Variants in DNAH6 observed in about 807,000 individuals in gnomAD.
DNAH6 encodes the protein dynein axonemal heavy chain 6.
Under a neutral mutation model 491.4 loss-of-function variants are expected in DNAH6, and 340 were observed. That is an observed-to-expected ratio of 0.69 (90% CI 0.63 to 0.76). DNAH6 has a LOEUF of 0.76. DNAH6 is among the 30% of genes least tolerant of loss of function. DNAH6 has a pLI of 0.00. For synonymous variants in DNAH6, 1,603 were observed against 1,686.1 expected (o/e 0.95, Z 1.21); for missense variants, 4,443 against 4,972.2 (o/e 0.89, Z 3.20).
At position 84,624,946 on chromosome 2, in the gene DNAH6, TG is replaced by T; in HGVS notation, c.4403del (p.Gly1468ValfsTer39). 1 of 1,551,588 alleles carries T rather than the reference TG, an allele frequency of 6.4e-7. No homozygotes were observed. The highest frequency in any genetic ancestry group is 8.7e-7 in the Non-Finnish European group (1 of 1,146,894). ...CLMGALQLDLGGAPAGPAGTG... is the reference protein window; with the variant it reads ...CLMGALQLDLXGAPAGPAGTG... Reference sequence around the variant, plus strand: ...TCATGGGAGCTTTGCAGCTTGACCTTGGGGGTGCACCAGCTGGTCCTGCTGG... The same window carrying T: ...TCATGGGAGCTTTGCAGCTTGACCTTGGGGTGCACCAGCTGGTCCTGCTGG... On this transcript the variant is annotated frameshift_variant, in exon 29 of 77. Transcript: ENST00000389394. LOFTEE classifies it high-confidence loss of function.
At chr2:84,582,474 C>T (rs1249102997) in intron 14 of DNAH6, among the ~76,000 whole-genome samples, 3 of 152,108 alleles carry the variant, frequency 2.0e-5, no homozygotes, top group African/African-American at 7.2e-5. Flanking sequence ...TCCTTTGAGA[C>T]GGAGTCTCGC....
chr2:84,469,170 G>A, the DNAH6 span, among the ~76,000 whole-genome samples: 25 of 151,712 alleles, frequency 1.6e-4, no homozygotes, highest in Admixed American at 1.5e-3. This position sits in a 1 kb window ranked among gnomAD's most constrained non-coding sequence, Gnocchi z 4.0. Flanking sequence ...TTTCCCATTC[G>A]TTCAACCGTT....
chr2:84,570,853 G>C (rs180818382), intron 11 of DNAH6, among the ~76,000 whole-genome samples: 1 of 152,122 alleles, frequency 6.6e-6, no homozygotes, highest in African/African-American at 2.4e-5. Context: ...TCTTGGGTCC[G>C]CACTACCTTT....
intron 46 of DNAH6, 88 bp from the exon 47 acceptor site, chr2:84,697,487 A>T: frequency 7.7e-7 from 1 of 1,306,594 alleles, no homozygotes; most frequent in South Asian, 1.6e-5. Context: ...GATGAAATTG[A>T]TTCATGTGAA....
At chr2:84,565,231 A>G (rs1284004012) in intron 11 of DNAH6, among the ~76,000 whole-genome samples, 4 of 151,618 alleles carry the variant, frequency 2.6e-5, no homozygotes, top group Admixed American at 2.0e-4. Context: ...TATGAAGGAA[A>G]CCTTCCTCTT....
chr2:84,664,429 A>G (rs1425379883), intron 37 of DNAH6, among the ~76,000 whole-genome samples: 2 of 152,186 alleles, frequency 1.3e-5, no homozygotes, highest in Non-Finnish European at 1.5e-5. Context: ...AGAAAACAAA[A>G]AAAAAGCAGG....
rs1685572000 is a variant in DNAH6, at chr2:84,604,552, G to A, written c.3081+1G>A. ...TGCCTTAGAAGCAATTCTTAAAAAG[G>A]TAAATCTGGAATATATATTTATCTA... is the stretch of plus-strand genomic sequence containing the variant. On this transcript the variant is annotated splice_donor_variant, in intron 19 of 76. Coordinates refer to ENST00000389394, the MANE Select transcript of DNAH6 (RefSeq NM_001370.2). LOFTEE classifies it high-confidence loss of function. The A allele has an allele frequency of 1.3e-6, 2 of 1,548,436 alleles. No individual in the cohort carries two copies. Among genetic ancestry groups the A allele is most frequent in the Non-Finnish European group, 1.7e-6 (2 of 1,144,464 alleles).
At chr2:84,666,167 A>T (rs1177975924) in intron 37 of DNAH6, among the ~76,000 whole-genome samples, 1 of 152,202 alleles carries the variant, frequency 6.6e-6, no homozygotes, top group Non-Finnish European at 1.5e-5. Flanking sequence ...CAGAAACTGG[A>T]AGCATTCCCT....
In DNAH6 at chr2:84,544,474, CA is replaced by C. The variant is rs763637561; in HGVS notation, c.911del (p.Asn304IlefsTer16). 8 of 1,499,138 alleles carry C rather than the reference CA, an allele frequency of 5.3e-6. No individual in the cohort carries two copies. The highest frequency in any genetic ancestry group is 7.3e-6 in the Non-Finnish European group (8 of 1,101,556). 92.9% of individuals were successfully genotyped at this position (1,499,138 alleles called of 1,614,324 possible). On this transcript the variant is annotated frameshift_variant, in exon 5 of 77. Coordinates refer to ENST00000389394, the MANE Select transcript of DNAH6 (RefSeq NM_001370.2). LOFTEE classifies it high-confidence loss of function. ...AATCACTGGATGTCAAAAATCTCTA[CA>C]AAAAAATTTGTTCATTGTTAATCCT... Reference protein sequence around the residue: ...KKITGCQKSLQKNLFIVNPHL... With the variant: ...KKITGCQKSLXKNLFIVNPHL...
Position 84,658,338 on chromosome 2 carries a change from A to T in DNAH6, c.5804A>T (p.Tyr1935Phe). ...TATATATTGAATCTTTTCCAACGTT[A>T]TGTTGATGAAGGTTTACATTTTATC... is the stretch of plus-strand genomic sequence containing the variant. ...QEYILNLFQR[Y>F]VDEGLHFINK... Residue 1935 changes from tyrosine to phenylalanine, a missense_variant, in exon 36 of 77, where the codon TAT becomes TTT. Tyr to Phe is a conservative substitution (Grantham distance 22). Coordinates refer to ENST00000389394, the MANE Select transcript of DNAH6 (RefSeq NM_001370.2). 6.5e-7 allele frequency: 1 copy of T among 1,544,678 alleles called. No individual in the cohort carries two copies. The highest frequency in any genetic ancestry group is 2.5e-5 in the East Asian group (1 of 40,694).
At chr2:84,635,833 T>C (rs985352865) in intron 30 of DNAH6, among the ~76,000 whole-genome samples, 1 of 152,190 alleles carries the variant, frequency 6.6e-6, no homozygotes, top group African/African-American at 2.4e-5. Flanking sequence ...GGTCTCCAGT[T>C]GTACCATGCA....
chr2:84,595,606 T>A, intron 17 of DNAH6, 40 bp from the exon 18 acceptor site: 2 of 1,490,344 alleles, frequency 1.3e-6, no homozygotes, highest in Non-Finnish European at 1.8e-6. Context: ...TTTTACTTTA[T>A]GTTTTAACTT....
At chr2:84,676,590 C>A (rs1693254113) in intron 40 of DNAH6, among the ~76,000 whole-genome samples, 2 of 152,206 alleles carry the variant, frequency 1.3e-5, no homozygotes, top group South Asian at 4.1e-4. Context: ...CAGAGACTCA[C>A]AGAAACCTAA....
At chr2:84,473,919 T>A in the DNAH6 span, among the ~76,000 whole-genome samples, 1 of 152,218 alleles carries the variant, frequency 6.6e-6, no homozygotes, top group Non-Finnish European at 1.5e-5. Flanking sequence ...TAACATTTTT[T>A]AAACTGTTCT....
the DNAH6 span, among the ~76,000 whole-genome samples, chr2:84,463,828 C>T: frequency 2.0e-5 from 3 of 152,140 alleles, no homozygotes; most frequent in Non-Finnish European, 4.4e-5. Context: ...TTGTTTTTAA[C>T]GAAATAAATT....
At chr2:84,802,326 T>G (rs1436129840) in intron 70 of DNAH6, among the ~76,000 whole-genome samples, 1 of 152,192 alleles carries the variant, frequency 6.6e-6, no homozygotes, top group African/African-American at 2.4e-5. Flanking sequence ...ATCTCACATG[T>G]AATGACAACT....
chr2:84,517,729 T>TC, intron 1 of DNAH6, 90 bp from the exon 2 acceptor site: 1 of 971,588 alleles, frequency 1.0e-6, no homozygotes, highest in Non-Finnish European at 1.5e-6. Context: ...ATTCAACTCT[T>TC]CCTAGTCCTT....
rs561678515 is a variant in DNAH6, at chr2:84,624,875, A to G, written c.4354-27A>G. 2.6e-6 allele frequency: 4 copies of G among 1,522,806 alleles called. No homozygotes were observed. The Admixed American group carries it at 6.5e-5, about 25-fold the overall frequency. The allele number at this position is 1,522,806 out of a possible 1,614,324, so 94.3% of individuals were successfully genotyped here. On this transcript the variant is annotated intron_variant, in intron 28 of 76. Coordinates refer to ENST00000389394, the MANE Select transcript of DNAH6 (RefSeq NM_001370.2). ...TTTGTGGCCAGAGTTGGTTCCCTTC[A>G]TATTGATAATGCATTGCTTTCTTCA...
intron 3 of DNAH6, among the ~76,000 whole-genome samples, chr2:84,527,097 A>T (rs1676672539): frequency 6.6e-6 from 1 of 152,162 alleles, no homozygotes; most frequent in Non-Finnish European, 1.5e-5. Context: ...TCAGATATTG[A>T]TTTATCTGAA....
Sources: gnomAD v4.1 joint callset for allele counts (sites outside exome capture counted in the v4.1 genomes callset) on GRCh38, gnomAD v4.1.1 for gene constraint, Gnocchi (gnomAD v3.1) non-coding constraint, MANE v1.5 for transcripts, NCBI Gene and HGNC (gene_info 2026-07-23, HGNC 2026-07-21) for gene names.